Variants in ANP32E observed in about 807,000 individuals in gnomAD.
The protein encoded by ANP32E is acidic nuclear phosphoprotein 32 family member E.
In ANP32E, 14 loss-of-function variants were observed where a neutral mutation model predicts 35.3. The ratio of observed to expected loss-of-function variants is 0.40; its 90% CI spans 0.26 to 0.62. The LOEUF (loss-of-function observed/expected upper bound fraction) is 0.62, where lower values mean the gene tolerates loss of function less well. Ranked by LOEUF, ANP32E falls within the 20% of genes least tolerant of loss-of-function variation. The pLI, the probability that ANP32E is intolerant of heterozygous loss-of-function variation, is 0.45. For synonymous variants in ANP32E, 89 were observed against 110.4 expected, an observed-to-expected ratio of 0.81 and a Z score of 1.22; for missense variants, 198 against 304.4, an observed-to-expected ratio of 0.65 and a Z score of 2.60.
chr1:150,235,776 T>A lies in ANP32E; in HGVS notation c.11A>T (p.Lys4Met), dbSNP rs782000338. 3 of 1,602,980 alleles carry A rather than the reference T, an allele frequency of 1.9e-6. No individual in the cohort carries two copies. Among genetic ancestry groups the A allele is most frequent in the East Asian group, 2.2e-5 (1 of 44,524 alleles). The stretch of plus-strand genomic sequence containing the variant: ...CCTTAACTCCAGGTTAATCTTCTTC[T>A]TCATCTCCATGTCCTCCTCTTGCTC... MEM[K>M]KKINLELRNR... Residue 4 changes from lysine (K) to methionine (M), a missense_variant, in exon 1 of 7, where the codon AAG becomes ATG. Around this residue, in one of 4 missense-constraint regions of ANP32E, gnomAD observed 35 missense variants for 47.6 expected, o/e 0.74. Transcript: ENST00000583931. This position sits in a 1 kb window ranked among gnomAD's most constrained non-coding sequence, Gnocchi z 4.2.
In ANP32E at chr1:150,221,602, G is replaced by GA. The variant is rs1572005742; in HGVS notation, c.737-842dup. ...GGAGGAAGGGAGGGAGGGAGGGAGG[G>GA]AGGGAAGGAAGGAAGGAAGGAAGGA... On this transcript the variant is annotated intron_variant, in intron 6 of 6. Coordinates refer to ENST00000583931, the MANE Select transcript of ANP32E (RefSeq NM_030920.5). Among the ~76,000 whole-genome samples, 160 of 138,130 alleles carry GA rather than the reference G, an allele frequency of 1.2e-3. 19 individuals are homozygous for GA. The highest frequency in any genetic ancestry group is 5.3e-3 in the East Asian group (23 of 4,334). The allele number at this position is 138,130 out of a possible 152,430, so 90.6% of individuals were successfully genotyped here.
intron 5 of ANP32E, 125 bp downstream of exon 5, chr1:150,226,482 TG>T: frequency 9.3e-7 from 1 of 1,078,198 alleles, no homozygotes; most frequent in Non-Finnish European, 1.3e-6. Flanking sequence ...AAAAGACAGG[TG>T]GATAGACATA....
chr1:150,220,495 T>C lies in ANP32E; in HGVS notation c.*196A>G. ...TCCACAATGGGAGTCAATGAAAATT[T>C]TTCTCTACATACAATATGATCATTA... On this transcript the variant is annotated 3_prime_UTR_variant, in exon 7 of 7. Transcript: ENST00000583931. 1 of 516,644 alleles carries C rather than the reference T, an allele frequency of 1.9e-6. No individual in the cohort carries two copies. 32.0% of individuals were successfully genotyped at this position (516,644 alleles called of 1,614,324 possible). A position where few individuals can be genotyped will look rare whatever the true frequency, so the allele number is the denominator to read the frequency against.
chr1:150,233,608 G>T (rs1367891664), intron 1 of ANP32E, among the ~76,000 whole-genome samples: 3 of 152,110 alleles, frequency 2.0e-5, no homozygotes, highest in African/African-American at 4.8e-5. Flanking sequence ...AAACTTCCTG[G>T]TGTGGGCCTG....
rs1175109172 is a variant in ANP32E, at chr1:150,235,816, T to C, written c.-30A>G. On this transcript the variant is annotated 5_prime_UTR_variant, in exon 1 of 7. Coordinates refer to ENST00000583931, the MANE Select transcript of ANP32E (RefSeq NM_030920.5). This position sits in a 1 kb window ranked among gnomAD's most constrained non-coding sequence, Gnocchi z 4.2. ...TCCTCTTGCTCTTCAGCTACTACTC[T>C]CCTTTTCCCTTTCCTGCCTTCCCCA... 6.5e-7 allele frequency: 1 copy of C among 1,536,584 alleles called. No individual in the cohort carries two copies.
chr1:150,231,026 A>G (rs1649309162), intron 2 of ANP32E, among the ~76,000 whole-genome samples: 2 of 152,216 alleles, frequency 1.3e-5, no homozygotes, highest in Non-Finnish European at 1.5e-5. Flanking sequence ...TACAGGCATG[A>G]ACCACTGAGC....
intron 4 of ANP32E, among the ~76,000 whole-genome samples, chr1:150,228,250 G>T (rs1386057497): frequency 6.6e-6 from 1 of 151,842 alleles, no homozygotes; most frequent in Non-Finnish European, 1.5e-5. Flanking sequence ...CCATATAAAT[G>T]AAGTCAAACA....
intron 5 of ANP32E, among the ~76,000 whole-genome samples, chr1:150,224,803 C>T (rs587698294): frequency 4.3e-4 from 65 of 152,202 alleles, no homozygotes; most frequent in Non-Finnish European, 7.6e-4. Flanking sequence ...ATAAAAAATA[C>T]TTTAAATTAT....
At chr1:150,222,687 A>T (rs1196933381) in intron 6 of ANP32E, among the ~76,000 whole-genome samples, 1 of 151,476 alleles carries the variant, frequency 6.6e-6, no homozygotes, top group Non-Finnish European at 1.5e-5. Flanking sequence ...GAGCCCAAGG[A>T]GATTGAGACT....
intron 1 of ANP32E, chr1:150,234,719 C>A: frequency 1.0e-6 from 1 of 973,882 alleles, no homozygotes; most frequent in Non-Finnish European, 1.2e-6. Context: ...AAGGAAAAAA[C>A]GGGTCGCCTC....
At chr1:150,229,713 G>A (rs1649199723) in intron 3 of ANP32E, among the ~76,000 whole-genome samples, 1 of 152,150 alleles carries the variant, frequency 6.6e-6, no homozygotes, top group South Asian at 2.1e-4. Flanking sequence ...CCTGACCTCA[G>A]GTGATCTGCC....
At position 150,236,087 on chromosome 1, in the gene ANP32E, TC is replaced by T. The variant is rs1361524878; in HGVS notation, c.-302del. 6.5e-6 allele frequency: 2 copies of T among 307,070 alleles called. No homozygotes were observed. The highest frequency in any genetic ancestry group is 1.2e-5 in the Non-Finnish European group (2 of 162,792). The allele number at this position is 307,070 out of a possible 1,614,324, so 19.0% of individuals were successfully genotyped here. On this transcript the variant is annotated 5_prime_UTR_variant, in exon 1 of 7. Transcript: ENST00000583931. The stretch of plus-strand genomic sequence containing the variant: ...ATACACACACACACCCGCAGTTCCT[TC>T]CCCTTCAATGGCTGCTCAGAGACTG...
At chr1:150,233,316 A>C (rs587594680) in intron 1 of ANP32E, among the ~76,000 whole-genome samples, 209 of 149,588 alleles carry the variant, frequency 1.4e-3, no homozygotes, top group African/African-American at 5.0e-3. Context: ...CTGTTTAATC[A>C]CTTTTTCAGT....
intron 6 of ANP32E, among the ~76,000 whole-genome samples, chr1:150,221,176 G>A (rs587689775): frequency 1.0e-4 from 15 of 145,608 alleles, no homozygotes; most frequent in East Asian, 6.2e-4. Context: ...GGTGGCTCAC[G>A]CCAGTAATTC....
chr1:150,222,158 C>T (rs7532164), intron 6 of ANP32E, among the ~76,000 whole-genome samples: 41,447 of 151,898 alleles, frequency 0.27, 6,208 homozygotes, highest in East Asian at 0.57. Flanking sequence ...CGGTGGCTCA[C>T]GCCTATAATC....
intron 1 of ANP32E, among the ~76,000 whole-genome samples, 171 bp from the exon 2 acceptor site, chr1:150,232,097 C>A (rs1373797399): frequency 6.6e-6 from 1 of 152,068 alleles, no homozygotes; most frequent in Admixed American, 6.6e-5. Flanking sequence ...GTAATCCCAG[C>A]ACTTTCGGAG....
At chr1:150,232,395 C>G (rs1306192516) in intron 1 of ANP32E, among the ~76,000 whole-genome samples, 1 of 150,566 alleles carries the variant, frequency 6.6e-6, no homozygotes, top group African/African-American at 2.4e-5. Context: ...TCCCCTTACA[C>G]GGATCCTTTT....
rs1206145027 is a variant in ANP32E, at chr1:150,219,072, A to G, written c.*1619T>C. 6.6e-6 allele frequency: 1 copy of G among 152,156 alleles called. No individual in the cohort carries two copies. The highest frequency in any genetic ancestry group is 1.5e-5 in the Non-Finnish European group (1 of 68,014). The allele number at this position is 152,156 out of a possible 1,614,324, so 9.4% of individuals were successfully genotyped here. ...CTCCACAAGTAACATCATAATTTTT[A>G]CTTTAAAACACCAAGTCATACATTT... On this transcript the variant is annotated 3_prime_UTR_variant, in exon 7 of 7. Transcript: ENST00000583931.
intron 4 of ANP32E, among the ~76,000 whole-genome samples, chr1:150,228,446 C>T (rs587761943): frequency 5.3e-5 from 8 of 152,212 alleles, no homozygotes; most frequent in Admixed American, 4.6e-4. Context: ...AATCCCAGCA[C>T]TTTAGGAGGC....
Sources: gnomAD v4.1 joint callset for allele counts (sites outside exome capture counted in the v4.1 genomes callset) on GRCh38, gnomAD v4.1.1 for gene constraint, gnomAD v4.1.1 regional missense constraint, Gnocchi (gnomAD v3.1) non-coding constraint, MANE v1.5 for transcripts, NCBI Gene and HGNC (gene_info 2026-07-23, HGNC 2026-07-21) for gene names.